LEMD1: variants seen among roughly 807,000 people sequenced by gnomAD.
LEMD1 encodes LEM domain containing 1, also known as LEM domain-containing protein 1.
In LEMD1, 18 loss-of-function variants were observed where a neutral mutation model predicts 17.4. The observed-to-expected ratio is 1.04, with a 90% CI of 0.72 to 1.54. The LOEUF (loss-of-function observed/expected upper bound fraction) is 1.54, where lower values mean the gene tolerates loss of function less well. Among genes scored for constraint, LEMD1 ranks in the 40% most tolerant of loss-of-function variants. The probability of loss-of-function intolerance (pLI) is 0.00; values close to 1 mark genes in which losing one functional copy is unlikely to be tolerated. For synonymous variants in LEMD1, 88 were observed against 77.8 expected (o/e 1.13, Z -0.69); for missense variants, 195 against 210.4 (o/e 0.93, Z 0.45).
intron 1 of LEMD1, among the ~76,000 whole-genome samples, chr1:205,433,765 A>C (rs1039612278): frequency 6.6e-6 from 1 of 152,208 alleles, no homozygotes; most frequent in African/African-American, 2.4e-5. Context: ...TGTGCTAGGC[A>C]TCATGGTGGC....
upstream of LEMD1, among the ~76,000 whole-genome samples, chr1:205,422,491 A>T (rs991028241): frequency 6.6e-6 from 1 of 152,214 alleles, no homozygotes; most frequent in Non-Finnish European, 1.5e-5. Flanking sequence ...ATCAGGATGG[A>T]GGGCAGATAA....
chr1:205,442,912 CTG>C (rs951409049), intron 1 of LEMD1, among the ~76,000 whole-genome samples: 2 of 152,170 alleles, frequency 1.3e-5, no homozygotes, highest in African/African-American at 2.4e-5. Context: ...TGCTAACATG[CTG>C]TGTCATCCTA....
chr1:205,427,323 A>C (rs1188874792), intron 1 of LEMD1, among the ~76,000 whole-genome samples: 1 of 151,956 alleles, frequency 6.6e-6, no homozygotes, highest in Non-Finnish European at 1.5e-5. Flanking sequence ...GGGGTCCTGC[A>C]CTGGGATTCT....
chr1:205,382,673 C>T (rs750225245), intron 5 of LEMD1, among the ~76,000 whole-genome samples: 3 of 152,156 alleles, frequency 2.0e-5, no homozygotes, highest in Admixed American at 6.5e-5. Flanking sequence ...TTCTCAATGC[C>T]GGCATAAAGC....
intron 4 of LEMD1, among the ~76,000 whole-genome samples, chr1:205,391,077 T>G (rs6688506): frequency 0.25 from 37,803 of 151,826 alleles, 4,747 homozygotes; most frequent in South Asian, 0.4. Context: ...AATTTTAAAG[T>G]AAATAAATAA....
chr1:205,397,892 C>T (rs919410603), intron 4 of LEMD1, among the ~76,000 whole-genome samples: 3 of 152,132 alleles, frequency 2.0e-5, no homozygotes, highest in Non-Finnish European at 4.4e-5. Context: ...GCTCATAACT[C>T]AGTTTTATGA....
chr1:205,394,171 A>T (rs1357909661), intron 4 of LEMD1, among the ~76,000 whole-genome samples: 2 of 139,524 alleles, frequency 1.4e-5, no homozygotes, highest in Non-Finnish European at 3.1e-5. Context: ...AATCCATTAA[A>T]ACAGCAGATT....
intron 4 of LEMD1, among the ~76,000 whole-genome samples, chr1:205,390,488 T>C (rs1455662674): frequency 6.6e-6 from 1 of 152,128 alleles, no homozygotes; most frequent in Non-Finnish European, 1.5e-5. Flanking sequence ...TCCTTTAAAA[T>C]CAGGACCAAG....
At chr1:205,409,516 T>C in intron 4 of LEMD1, among the ~76,000 whole-genome samples, 1 of 152,178 alleles carries the variant, frequency 6.6e-6, no homozygotes, top group Non-Finnish European at 1.5e-5. Context: ...TATTTATAGA[T>C]GAGGAAACTA....
rs116479595 is a variant in LEMD1, at chr1:205,448,432, C to A, written c.-39+1436G>T. Reference sequence around the variant, plus strand: ...CAGCGGCAGGAATCTCATAGGGAAGCGAGAAGCTGGGGCACCCGAGAAGCC... The same window carrying A: ...CAGCGGCAGGAATCTCATAGGGAAGAGAGAAGCTGGGGCACCCGAGAAGCC... On this transcript the variant is annotated intron_variant, in intron 1 of 3. Coordinates refer to the LEMD1 transcript ENST00000367154. This position sits in a 1 kb window ranked among gnomAD's most constrained non-coding sequence, Gnocchi z 4.7. 3.8e-6 allele frequency: 2 copies of A among 532,238 alleles called. No homozygotes were observed. Among genetic ancestry groups the A allele is most frequent in the South Asian group, 2.8e-5 (2 of 71,394 alleles). The allele number at this position is 532,238 out of a possible 1,614,324, so 33.0% of individuals were successfully genotyped here.
At chr1:205,433,786 G>A (rs1371372996) in intron 1 of LEMD1, among the ~76,000 whole-genome samples, 1 of 152,218 alleles carries the variant, frequency 6.6e-6, no homozygotes, top group African/African-American at 2.4e-5. Context: ...TGAGCCTGCA[G>A]AAGAGGCAGC....
At chr1:205,406,394 G>A (rs1665106198) in intron 4 of LEMD1, among the ~76,000 whole-genome samples, 1 of 152,238 alleles carries the variant, frequency 6.6e-6, no homozygotes, top group Non-Finnish European at 1.5e-5. Flanking sequence ...GTTTACCTAA[G>A]CGAGCCTGGG....
chr1:205,401,187 T>C (rs1382767967), intron 4 of LEMD1, among the ~76,000 whole-genome samples: 1 of 152,070 alleles, frequency 6.6e-6, no homozygotes, highest in South Asian at 2.1e-4. Flanking sequence ...AGCAGCATGA[T>C]TTATAGTCCT....
intron 4 of LEMD1, among the ~76,000 whole-genome samples, chr1:205,403,445 G>A (rs370067804): frequency 0.22 from 33,056 of 151,692 alleles, 3,801 homozygotes; most frequent in African/African-American, 0.28. Flanking sequence ...TGTATGTGTC[G>A]AGGAATTTAT....
intron 4 of LEMD1, among the ~76,000 whole-genome samples, chr1:205,404,611 G>T (rs1665003786): frequency 6.6e-6 from 1 of 152,076 alleles, no homozygotes; most frequent in African/African-American, 2.4e-5. Context: ...ACGTGAGATG[G>T]GTTTCCTGAA....
intron 4 of LEMD1, among the ~76,000 whole-genome samples, chr1:205,415,512 T>A (rs1002366910): frequency 7.9e-5 from 12 of 152,112 alleles, no homozygotes; most frequent in African/African-American, 2.9e-4. Context: ...TTCTGAAATC[T>A]AAGAAGGCAG....
In LEMD1 at chr1:205,429,226, G is replaced by A. The variant is rs546839161; in HGVS notation, c.-38-8652C>T. The stretch of plus-strand genomic sequence containing the variant: ...GTCCAGTTTAATTTGCTTGGGCAGC[G>A]GAGGAGATGAAGGAGATGCTGCAAC... On this transcript the variant is annotated intron_variant, in intron 1 of 3. Coordinates refer to the LEMD1 transcript ENST00000367154. Among the ~76,000 whole-genome samples the A allele has an allele frequency of 2.4e-4, 36 of 152,314 alleles. No individual in the cohort carries two copies. The South Asian group carries it at 6.2e-3, about 26-fold the overall frequency.
chr1:205,423,610 T>C (rs540186330), upstream of LEMD1, among the ~76,000 whole-genome samples: 3 of 152,230 alleles, frequency 2.0e-5, no homozygotes, highest in Non-Finnish European at 4.4e-5. Context: ...GTGCAAACTA[T>C]TCTGCTTGAA....
At chr1:205,399,209 C>T (rs1368478797) in intron 4 of LEMD1, among the ~76,000 whole-genome samples, 1 of 130,764 alleles carries the variant, frequency 7.6e-6, no homozygotes, top group Non-Finnish European at 1.6e-5. Flanking sequence ...AGCGAGACTC[C>T]ATCTAAAAAA....
Sources: gnomAD v4.1 joint callset for allele counts (sites outside exome capture counted in the v4.1 genomes callset) on GRCh38, gnomAD v4.1.1 for gene constraint, Gnocchi (gnomAD v3.1) non-coding constraint, MANE v1.5 for transcripts, NCBI Gene and HGNC (gene_info 2026-07-23, HGNC 2026-07-21) for gene names.